The following KIF2A variants were observed in gnomAD, a reference collection of about 807,000 sequenced individuals.
KIF2A encodes kinesin family member 2A.
KIF2A carries 22 observed loss-of-function variants against 100.2 expected under a neutral mutation model. That is an observed-to-expected ratio of 0.22 (90% CI 0.16 to 0.31). The LOEUF is 0.31. Ranked by LOEUF, KIF2A falls within the 10% of genes least tolerant of loss-of-function variation. The pLI is 1.00. For synonymous variants in KIF2A, 268 were observed against 285.9 expected (o/e 0.94, Z 0.63); for missense variants, 495 against 898.7 (o/e 0.55, Z 5.74).
intron 1 of KIF2A, among the ~76,000 whole-genome samples, chr5:62,321,503 C>T (rs964022950): frequency 6.6e-6 from 1 of 152,106 alleles, no homozygotes; most frequent in Non-Finnish European, 1.5e-5. Context: ...TTGCATTTCC[C>T]TAATGACTAA....
chr5:62,377,825 T>TAGTG, intron 19 of KIF2A, 63 bp downstream of exon 19: 2 of 901,056 alleles, frequency 2.2e-6, no homozygotes, highest in East Asian at 2.7e-5. Flanking sequence ...TTTGTCATAA[T>TAGTG]TCCTTAAATA....
In KIF2A at chr5:62,383,229, A is replaced by ATT. The variant is rs70977902; in HGVS notation, c.2149+2006_2149+2007dup. On this transcript the variant is annotated intron_variant, in intron 20 of 20. Coordinates refer to ENST00000407818, the MANE Select transcript of KIF2A (RefSeq NM_001098511.3). ...GGCATGAGCCACCATGCCTGGCCAG[A>ATT]TTTTTTTTTTTTTTTTTTTTTTTTT... 2.4e-3 allele frequency among the ~76,000 whole-genome samples: 95 copies of ATT among 39,106 alleles called. 3 individuals are homozygous for ATT. Among genetic ancestry groups the ATT allele is most frequent in the South Asian group, 4.5e-3 (3 of 672 alleles). 25.7% of individuals were successfully genotyped at this position (39,106 alleles called of 152,430 possible). A position where few individuals can be genotyped will look rare whatever the true frequency, so the allele number is the denominator to read the frequency against.
intron 1 of KIF2A, among the ~76,000 whole-genome samples, chr5:62,315,109 A>G (rs1745749384): frequency 6.6e-6 from 1 of 151,900 alleles, no homozygotes; most frequent in African/African-American, 2.4e-5. Flanking sequence ...CGTGTGTGGA[A>G]TTTTCCACTA....
intron 1 of KIF2A, among the ~76,000 whole-genome samples, chr5:62,342,273 C>T (rs1470578216): frequency 6.6e-6 from 1 of 152,156 alleles, no homozygotes; most frequent in East Asian, 1.9e-4. Flanking sequence ...CAGCGGTAGG[C>T]TCCTCCCAGA....
At chr5:62,323,392 G>A (rs566047465) in intron 1 of KIF2A, among the ~76,000 whole-genome samples, 4 of 152,012 alleles carry the variant, frequency 2.6e-5, no homozygotes, top group East Asian at 1.9e-4. Flanking sequence ...GCGCGGCGGC[G>A]GGCGCCTGTA....
Position 62,306,761 on chromosome 5 carries a change from C to G in KIF2A, c.64+225C>G, listed in dbSNP as rs556332957. 3.8e-4 allele frequency among the ~76,000 whole-genome samples: 57 copies of G among 151,972 alleles called. No individual in the cohort carries two copies. The East Asian group carries it at 0.01, about 27-fold the overall frequency. ...GGATCGGGCCGCGGGGGAGGGAAGC[C>G]GGGTGGGGAAAGGGCCCGGGTGTCG... On this transcript the variant is annotated intron_variant, in intron 1 of 20. Transcript: ENST00000407818.
chr5:62,325,529 GTATAT>G (rs1746333035), intron 1 of KIF2A, among the ~76,000 whole-genome samples: 1 of 152,078 alleles, frequency 6.6e-6, no homozygotes, highest in Non-Finnish European at 1.5e-5. Flanking sequence ...TGGCCAACAG[GTATAT>G]GAAAAAATGC....
At chr5:62,377,797 C>G in intron 19 of KIF2A, 35 bp downstream of exon 19, 1 of 1,120,446 alleles carries the variant, frequency 8.9e-7, no homozygotes. Context: ...CAAAATATTT[C>G]TTGAGATAAA....
At position 62,390,557 on chromosome 5, in the gene KIF2A, T is replaced by C. The variant is rs1429843067; in HGVS notation, c.*4988T>C. On this transcript the variant is annotated 3_prime_UTR_variant, in exon 21 of 21. Coordinates refer to ENST00000407818, the MANE Select transcript of KIF2A (RefSeq NM_001098511.3). ...TTTTGGAGGGATAAGCTATTAAGACTAAGACTATGAATGAGAGTTGGGGAA... is the reference window on the plus strand; with the variant it reads ...TTTTGGAGGGATAAGCTATTAAGACCAAGACTATGAATGAGAGTTGGGGAA... 1.3e-5 allele frequency among the ~76,000 whole-genome samples: 2 copies of C among 152,188 alleles called. No individual in the cohort carries two copies. The highest frequency in any genetic ancestry group is 2.9e-5 in the Non-Finnish European group (2 of 68,020).
At chr5:62,374,255 C>T (rs903332172) in intron 18 of KIF2A, among the ~76,000 whole-genome samples, 1 of 152,126 alleles carries the variant, frequency 6.6e-6, no homozygotes, top group African/African-American at 2.4e-5. Context: ...CAAACTACAG[C>T]CTGTGGGCCA....
intron 1 of KIF2A, among the ~76,000 whole-genome samples, chr5:62,313,374 G>C (rs1011546468): frequency 6.6e-6 from 1 of 151,948 alleles, no homozygotes; most frequent in Non-Finnish European, 1.5e-5. Context: ...TTTTTTGAGA[G>C]GGAGTCTCGC....
At chr5:62,367,864 A>G (rs1284973803) in intron 16 of KIF2A, among the ~76,000 whole-genome samples, 1 of 152,048 alleles carries the variant, frequency 6.6e-6, no homozygotes, top group Non-Finnish European at 1.5e-5. Flanking sequence ...TAAATTTGTG[A>G]TTTTAACCTA....
Position 62,355,309 on chromosome 5 carries a change from G to A in KIF2A, c.654+55G>A, listed in dbSNP as rs557804283. 94 of 892,118 alleles carry A rather than the reference G, an allele frequency of 1.1e-4. No homozygotes were observed. In the African/African-American group the frequency reaches 1.5e-3, roughly 14 times the overall value. 55.3% of individuals were successfully genotyped at this position (892,118 alleles called of 1,614,324 possible). On this transcript the variant is annotated intron_variant, in intron 7 of 20. Transcript: ENST00000407818. ...AACTTTTTATGCTTCAAATAAAAAC[G>A]TGTTTGACACTTGCTAAATTCATAT...
Position 62,306,469 on chromosome 5 carries a change from G to A in KIF2A, c.-4G>A. ...GGCCCGCTGCTGCTGCTCCAGATGAGGTGATGGCAACGGCCAACTTCGGCA... is the reference window on the plus strand; with the variant it reads ...GGCCCGCTGCTGCTGCTCCAGATGAAGTGATGGCAACGGCCAACTTCGGCA... On this transcript the variant is annotated 5_prime_UTR_variant, in exon 1 of 21. Coordinates refer to ENST00000407818, the MANE Select transcript of KIF2A (RefSeq NM_001098511.3). The A allele has an allele frequency of 6.5e-7, 1 of 1,544,814 alleles. No homozygotes were observed.
intron 11 of KIF2A, 142 bp downstream of exon 11, chr5:62,361,671 G>A (rs1388373758): frequency 3.9e-6 from 2 of 515,136 alleles, no homozygotes; most frequent in East Asian, 3.2e-5. Flanking sequence ...TTATTAGATT[G>A]CTTGAAAAGA....
intron 14 of KIF2A, among the ~76,000 whole-genome samples, chr5:62,364,541 T>C (rs1740978370): frequency 6.6e-6 from 1 of 152,218 alleles, no homozygotes; most frequent in African/African-American, 2.4e-5. Context: ...GGAATGGCTT[T>C]CAAAATGTTA....
intron 1 of KIF2A, among the ~76,000 whole-genome samples, chr5:62,313,398 G>T (rs1745648878): frequency 6.6e-6 from 1 of 152,136 alleles, no homozygotes. Context: ...TGTTGCTCAG[G>T]CTGGAGTGCA....
intron 1 of KIF2A, among the ~76,000 whole-genome samples, chr5:62,330,610 A>G (rs775514656): frequency 1.3e-5 from 2 of 152,154 alleles, no homozygotes; most frequent in Non-Finnish European, 2.9e-5. Flanking sequence ...ATTCAGAGTA[A>G]TATTTCTTTG....
At chr5:62,354,794 T>G (rs1271086935) in intron 6 of KIF2A, among the ~76,000 whole-genome samples, 1 of 152,174 alleles carries the variant, frequency 6.6e-6, no homozygotes, top group African/African-American at 2.4e-5. Context: ...TCTAGAGTTA[T>G]TTGCCAGTGG....
Sources: gnomAD v4.1 joint callset for allele counts (sites outside exome capture counted in the v4.1 genomes callset) on GRCh38, gnomAD v4.1.1 for gene constraint, MANE v1.5 for transcripts, NCBI Gene and HGNC (gene_info 2026-07-23, HGNC 2026-07-21) for gene names.